CNTNAP2: variants seen among roughly 807,000 people sequenced by gnomAD.
CNTNAP2 encodes the protein contactin-associated protein-like 2.
CNTNAP2 carries 98 observed loss-of-function variants against 155.2 expected under a neutral mutation model. The observed-to-expected ratio is 0.63, with a 90% CI of 0.54 to 0.75. CNTNAP2 has a LOEUF of 0.75. Ranked by LOEUF, CNTNAP2 falls within the 30% of genes least tolerant of loss-of-function variation. The pLI is 0.00. For missense variants in CNTNAP2, 1,727 were observed against 1,688.1 expected, an observed-to-expected ratio of 1.02 and a Z score of -0.40; for synonymous variants, 651 against 631.2, an observed-to-expected ratio of 1.03 and a Z score of -0.47.
chr7:148,211,883 G>A (rs1404540867), intron 18 of CNTNAP2, among the ~76,000 whole-genome samples: 1 of 152,150 alleles, frequency 6.6e-6, no homozygotes, highest in Non-Finnish European at 1.5e-5. Flanking sequence ...GCAAGTTACT[G>A]AGTCTAAAAT....
chr7:146,482,658 G>A (rs890272582), intron 1 of CNTNAP2, among the ~76,000 whole-genome samples: 2 of 151,698 alleles, frequency 1.3e-5, no homozygotes, highest in Non-Finnish European at 2.9e-5. Context: ...CAGGAGAATC[G>A]CTTGAACCTG....
intron 12 of CNTNAP2, among the ~76,000 whole-genome samples, chr7:147,564,796 G>A (rs1428423300): frequency 1.3e-5 from 2 of 152,024 alleles, no homozygotes; most frequent in African/African-American, 4.8e-5. Flanking sequence ...CACTTCAAAT[G>A]ACTTCTGAGC....
At chr7:148,224,825 G>A (rs966295412) in intron 19 of CNTNAP2, among the ~76,000 whole-genome samples, 4 of 152,116 alleles carry the variant, frequency 2.6e-5, no homozygotes, top group South Asian at 2.1e-4. Flanking sequence ...TTCACATGGC[G>A]GCAGGAGGGA....
chr7:146,955,230 G>T (rs956610739), intron 3 of CNTNAP2, among the ~76,000 whole-genome samples: 1 of 151,860 alleles, frequency 6.6e-6, no homozygotes, highest in East Asian at 1.9e-4. Context: ...CAGCATTGTT[G>T]CCAAGCATTT....
At chr7:147,062,167 A>AAAAAAAAAAAAC (rs1563062236) in intron 4 of CNTNAP2, among the ~76,000 whole-genome samples, 1 of 139,214 alleles carries the variant, frequency 7.2e-6, no homozygotes, top group African/African-American at 2.7e-5. Flanking sequence ...AAAAAAAAAA[A>AAAAAAAAAAAAC]AAACCAGTTC....
chr7:146,429,267 A>G (rs1796137817), intron 1 of CNTNAP2, among the ~76,000 whole-genome samples: 1 of 152,154 alleles, frequency 6.6e-6, no homozygotes, highest in East Asian at 1.9e-4. Context: ...AATTCTGTGA[A>G]GAATTTCCAA....
At chr7:147,630,597 C>G (rs748453703) in intron 12 of CNTNAP2, among the ~76,000 whole-genome samples, 7 of 152,096 alleles carry the variant, frequency 4.6e-5, no homozygotes, top group Non-Finnish European at 8.8e-5. Flanking sequence ...TAACCAAATT[C>G]AACAGCATAT....
chr7:147,802,603 G>A (rs1006547279), intron 13 of CNTNAP2, among the ~76,000 whole-genome samples: 10 of 152,284 alleles, frequency 6.6e-5, no homozygotes, highest in African/African-American at 1.4e-4. Flanking sequence ...GCGAAACCCC[G>A]TCTCCACCAA....
intron 1 of CNTNAP2, among the ~76,000 whole-genome samples, chr7:146,373,277 T>C (rs922501269): frequency 3.3e-5 from 5 of 152,156 alleles, no homozygotes; most frequent in African/African-American, 1.2e-4. Context: ...AGTCTCTATT[T>C]AGCTATTTGG....
At chr7:148,123,447 C>G (rs980987376) in intron 16 of CNTNAP2, among the ~76,000 whole-genome samples, 1 of 152,028 alleles carries the variant, frequency 6.6e-6, no homozygotes, top group Non-Finnish European at 1.5e-5. Flanking sequence ...AAAACATTAG[C>G]CAGGCATGGT....
intron 18 of CNTNAP2, among the ~76,000 whole-genome samples, chr7:148,206,586 A>T (rs929391837): frequency 1.3e-4 from 20 of 152,184 alleles, no homozygotes; most frequent in Non-Finnish European, 2.6e-4. Context: ...ATACCAAGTT[A>T]TGTCCAACAT....
intron 18 of CNTNAP2, among the ~76,000 whole-genome samples, chr7:148,176,869 A>G (rs1236423551): frequency 6.6e-6 from 1 of 152,202 alleles, no homozygotes; most frequent in Non-Finnish European, 1.5e-5. Flanking sequence ...TGGGTCTGTC[A>G]TCCCCAGGAT....
rs560264451 is a variant in CNTNAP2 at position 146,523,288 on chromosome 7, A to G, written c.98-250983A>G. Among the ~76,000 whole-genome samples, 6 of 152,134 alleles carry G rather than the reference A, an allele frequency of 3.9e-5. No homozygotes were observed. In the East Asian group the frequency reaches 9.7e-4, roughly 24 times the overall value. ...TCAGTAAAATTTCGGTCCAATTCTCATTTCTAAAAATTTTGGTACTAGAGA... is the reference window on the plus strand; with the variant it reads ...TCAGTAAAATTTCGGTCCAATTCTCGTTTCTAAAAATTTTGGTACTAGAGA... On this transcript the variant is annotated intron_variant, in intron 1 of 23. Transcript: ENST00000361727.
intron 2 of CNTNAP2, among the ~76,000 whole-genome samples, chr7:146,797,061 G>A (rs767510136): frequency 2.1e-4 from 32 of 152,224 alleles, no homozygotes; most frequent in East Asian, 1.9e-3. Flanking sequence ...GTGTGAACCC[G>A]GGAGGTGGAG....
At chr7:148,158,463 C>T (rs888170405) in intron 17 of CNTNAP2, among the ~76,000 whole-genome samples, 1 of 152,182 alleles carries the variant, frequency 6.6e-6, no homozygotes, top group African/African-American at 2.4e-5. Context: ...GCTCATGATC[C>T]GCTGGCCTCA....
intron 21 of CNTNAP2, among the ~76,000 whole-genome samples, chr7:148,267,711 G>A (rs748824074): frequency 1.4e-4 from 22 of 151,832 alleles, no homozygotes; most frequent in Admixed American, 2.6e-4. Context: ...ATTGGTAATG[G>A]GGGCTTCTAA....
rs150759236 is a variant in CNTNAP2, at chr7:147,958,667, G to A, written c.2256-19195G>A. 2.1e-3 allele frequency among the ~76,000 whole-genome samples: 315 copies of A among 152,234 alleles called. 1 individual carries two copies. Among genetic ancestry groups the A allele is most frequent in the African/African-American group, 6.8e-3 (284 of 41,556 alleles). On this transcript the variant is annotated intron_variant, in intron 14 of 23. Coordinates refer to ENST00000361727, the MANE Select transcript of CNTNAP2 (RefSeq NM_014141.6). ...TTTAAAGTATAGATTGCATAATTTT[G>A]TAAAAATATTATCATACAAATTCTA...
chr7:146,781,223 A>C (rs1465415024), intron 2 of CNTNAP2, among the ~76,000 whole-genome samples: 1 of 132,504 alleles, frequency 7.5e-6, no homozygotes, highest in East Asian at 2.3e-4. Context: ...GCGAGACTCC[A>C]TCTCAAAAAA....
intron 1 of CNTNAP2, among the ~76,000 whole-genome samples, chr7:146,569,223 A>G (rs1798404632): frequency 1.3e-5 from 2 of 152,046 alleles, no homozygotes; most frequent in South Asian, 4.1e-4. Context: ...TCACCGCGTT[A>G]GCCAGGATGG....
Sources: gnomAD v4.1 joint callset for allele counts (sites outside exome capture counted in the v4.1 genomes callset) on GRCh38, gnomAD v4.1.1 for gene constraint, MANE v1.5 for transcripts, NCBI Gene and HGNC (gene_info 2026-07-23, HGNC 2026-07-21) for gene names.